Variants in LAMA2 observed in about 807,000 individuals in gnomAD.
The protein encoded by LAMA2 is laminin subunit alpha-2.
In LAMA2, 269 loss-of-function variants were observed where a neutral mutation model predicts 364.8. The ratio of observed to expected loss-of-function variants is 0.74; its 90% CI spans 0.67 to 0.82. The LOEUF (loss-of-function observed/expected upper bound fraction) is 0.82. Among genes scored for constraint, LAMA2 ranks in the 40% least tolerant of loss-of-function variants. The probability of loss-of-function intolerance (pLI) is 0.00; values close to 1 mark genes in which losing one functional copy is unlikely to be tolerated. For synonymous variants in LAMA2, 1,379 were observed against 1,370.6 expected (o/e 1.01, Z -0.14); for missense variants, 3,807 against 3,873.2 (o/e 0.98, Z 0.45).
chr6:129,135,357 A>G (rs1301914629), intron 4 of LAMA2, among the ~76,000 whole-genome samples: 4 of 152,182 alleles, frequency 2.6e-5, no homozygotes, highest in Non-Finnish European at 4.4e-5. Flanking sequence ...GTTCTTTTTC[A>G]TCCAACAAAT....
chr6:129,125,917 A>G (rs764245530), intron 4 of LAMA2, among the ~76,000 whole-genome samples: 9 of 152,216 alleles, frequency 5.9e-5, no homozygotes, highest in Non-Finnish European at 5.9e-5. Flanking sequence ...TTACATAATT[A>G]GAAATTGTCA....
intron 15 of LAMA2, among the ~76,000 whole-genome samples, chr6:129,262,813 G>C (rs919422259): frequency 1.3e-5 from 2 of 152,064 alleles, no homozygotes; most frequent in South Asian, 2.1e-4. Context: ...TAAAAGCTGA[G>C]TAAACGCCAA....
chr6:129,203,760 C>T (rs1205111150), intron 12 of LAMA2, among the ~76,000 whole-genome samples: 1 of 152,068 alleles, frequency 6.6e-6, no homozygotes, highest in South Asian at 2.1e-4. Flanking sequence ...GGTCTTTATG[C>T]GTTTCACAGA....
chr6:129,379,994 T>C (rs1778591061), intron 34 of LAMA2, among the ~76,000 whole-genome samples: 1 of 152,188 alleles, frequency 6.6e-6, no homozygotes, highest in Non-Finnish European at 1.5e-5. Context: ...CTTGGCACTC[T>C]GAGGAATAAA....
intron 3 of LAMA2, among the ~76,000 whole-genome samples, chr6:129,083,849 A>G (rs566282765): frequency 1.3e-5 from 2 of 152,330 alleles, no homozygotes; most frequent in East Asian, 3.9e-4. Context: ...AATATGGACC[A>G]AACACTGATC....
chr6:129,223,604 A>G (rs1017384811), intron 12 of LAMA2, among the ~76,000 whole-genome samples: 1 of 152,030 alleles, frequency 6.6e-6, no homozygotes, highest in Non-Finnish European at 1.5e-5. Context: ...TAGGGAATCC[A>G]TTCCCCATTG....
At chr6:129,339,988 C>G (rs190917860) in intron 29 of LAMA2, among the ~76,000 whole-genome samples, 2 of 143,508 alleles carry the variant, frequency 1.4e-5, no homozygotes, top group African/African-American at 5.1e-5. Flanking sequence ...GACTACAGAG[C>G]GAGACTGTCT....
At chr6:129,097,321 C>T (rs1018064391) in intron 3 of LAMA2, among the ~76,000 whole-genome samples, 6 of 152,194 alleles carry the variant, frequency 3.9e-5, no homozygotes, top group African/African-American at 1.4e-4. Context: ...TGTTTCTTCA[C>T]TATTCTTTTG....
At chr6:129,149,224 G>C (rs368704086) in intron 7 of LAMA2, 128 bp downstream of exon 7, 150 of 724,858 alleles carry the variant, frequency 2.1e-4, no homozygotes, top group East Asian at 1.7e-3. Flanking sequence ...TTATCACTTC[G>C]AAGACAACCC....
chr6:129,229,400 A>T (rs1295773318), intron 12 of LAMA2, among the ~76,000 whole-genome samples: 1 of 152,190 alleles, frequency 6.6e-6, no homozygotes, highest in Non-Finnish European at 1.5e-5. Flanking sequence ...TGGCATGTTC[A>T]AAGACCCTCA....
intron 1 of LAMA2, among the ~76,000 whole-genome samples, chr6:128,958,127 C>G (rs966721250): frequency 7.9e-5 from 12 of 151,854 alleles, no homozygotes; most frequent in Admixed American, 7.2e-4. Flanking sequence ...TTCATAGAAG[C>G]AGAAATAAGT....
At chr6:129,127,838 T>C (rs1460240559) in intron 4 of LAMA2, among the ~76,000 whole-genome samples, 1 of 151,352 alleles carries the variant, frequency 6.6e-6, no homozygotes, top group Non-Finnish European at 1.5e-5. Context: ...GCTTCCTTGC[T>C]CATTTTTAAT....
chr6:129,179,474 A>G (rs1439042883), intron 10 of LAMA2, among the ~76,000 whole-genome samples: 1 of 152,162 alleles, frequency 6.6e-6, no homozygotes, highest in Admixed American at 6.5e-5. Context: ...ATATAGCGAG[A>G]AAGGCTGGAG....
chr6:129,020,861 G>A (rs975425417), intron 1 of LAMA2, among the ~76,000 whole-genome samples: 2 of 152,074 alleles, frequency 1.3e-5, no homozygotes, highest in African/African-American at 4.8e-5. Flanking sequence ...GTTCTAAGGT[G>A]GCTTCTTTAG....
intron 4 of LAMA2, among the ~76,000 whole-genome samples, chr6:129,106,194 T>G (rs992584886): frequency 2.0e-5 from 3 of 152,056 alleles, no homozygotes; most frequent in Non-Finnish European, 2.9e-5. Flanking sequence ...GCTTTGATAT[T>G]ATTTTGATTT....
At chr6:129,272,467 A>G (rs1321708750) in intron 17 of LAMA2, among the ~76,000 whole-genome samples, 19 of 152,190 alleles carry the variant, frequency 1.2e-4, no homozygotes, top group Admixed American at 1.2e-3. Context: ...TAACCTGCTC[A>G]GAGTCATAAA....
chr6:129,014,062 T>G (rs1784930017), intron 1 of LAMA2, among the ~76,000 whole-genome samples: 1 of 152,158 alleles, frequency 6.6e-6, no homozygotes, highest in African/African-American at 2.4e-5. Context: ...ATTTTTGTCT[T>G]GAGCAACTGC....
intron 29 of LAMA2, among the ~76,000 whole-genome samples, chr6:129,331,918 G>C (rs1775679660): frequency 2.0e-5 from 3 of 152,016 alleles, no homozygotes. Flanking sequence ...CATTCTTCTT[G>C]AAACCCTTTG....
intron 44 of LAMA2, 119 bp downstream of exon 44, chr6:129,443,187 T>A (rs1782204896): frequency 3.0e-6 from 2 of 676,004 alleles, no homozygotes; most frequent in East Asian, 2.7e-5. Flanking sequence ...GCGTAGCTAT[T>A]CTTTCCACTG....
Sources: allele counts gnomAD v4.1 joint callset (sites outside exome capture counted in the v4.1 genomes callset), GRCh38; gene constraint gnomAD v4.1.1; transcripts MANE v1.5; gene names NCBI Gene and HGNC (gene_info 2026-07-23, HGNC 2026-07-21).